Variants in MUC6 observed in about 807,000 individuals in gnomAD.
MUC6 encodes the protein mucin-6.
In MUC6, 188 loss-of-function variants were observed where a neutral mutation model predicts 201.5. That is an observed-to-expected ratio of 0.93 (90% CI 0.83 to 1.05). The LOEUF (loss-of-function observed/expected upper bound fraction) is 1.05, where lower values mean the gene tolerates loss of function less well. Among genes scored for constraint, MUC6 ranks in the 50% least tolerant of loss-of-function variants. The probability of loss-of-function intolerance (pLI) is 0.00; values close to 1 mark genes in which losing one functional copy is unlikely to be tolerated. For synonymous variants in MUC6, 1,228 were observed against 1,389.4 expected, an observed-to-expected ratio of 0.88 and a Z score of 2.58; for missense variants, 2,706 against 3,256.9, an observed-to-expected ratio of 0.83 and a Z score of 4.12.
At chr11:1,030,366 T>TTCCCCCC in intron 7 of MUC6, 31 bp from the exon 8 acceptor site, 1 of 1,489,594 alleles carries the variant, frequency 6.7e-7, no homozygotes, top group Non-Finnish European at 9.1e-7. Flanking sequence ...GGTGAGAGGG[T>TTCCCCCC]CCCACCCCCC....
rs1264436949 is a variant in MUC6 at position 1,026,491 on chromosome 11, AG to A, written c.2395-14del. 6.4e-7 allele frequency: 1 copy of A among 1,570,118 alleles called. No individual in the cohort carries two copies. Among genetic ancestry groups the A allele is most frequent in the Non-Finnish European group, 8.6e-7 (1 of 1,159,282 alleles). The stretch of plus-strand genomic sequence containing the variant: ...ACTTGGTGGGCACCTGGAGGGAGGC[AG>A]GTCAGCAGCTCCTGGGAGGGTGGCC... On this transcript the variant is annotated splice_polypyrimidine_tract_variant and intron_variant, in intron 19 of 32. Coordinates refer to ENST00000421673, the MANE Select transcript of MUC6 (RefSeq NM_005961.3).
At chr11:1,030,855 C>A in intron 6 of MUC6, 75 bp from the exon 7 acceptor site, 1 of 1,527,500 alleles carries the variant, frequency 6.5e-7, no homozygotes, top group Non-Finnish European at 8.8e-7. Flanking sequence ...TCGGGCAGGG[C>A]GTCTGTGATG....
intron 26 of MUC6, among the ~76,000 whole-genome samples, chr11:1,022,179 C>A (rs970011980): frequency 1.3e-5 from 2 of 150,496 alleles, no homozygotes; most frequent in African/African-American, 2.4e-5. Flanking sequence ...CTGCCCTCTA[C>A]AGCCCCGCGC....
At chr11:1,027,587 C>G in intron 16 of MUC6, 70 bp from the exon 17 acceptor site, 2 of 1,595,336 alleles carry the variant, frequency 1.3e-6, no homozygotes, top group Non-Finnish European at 1.7e-6. Context: ...GTTCCCCTGC[C>G]TGCCGGGCAC....
chr11:1,018,891 C>T (rs1290002061), intron 30 of MUC6, 121 bp from the exon 31 acceptor site: 3 of 1,308,082 alleles, frequency 2.3e-6, no homozygotes, highest in Non-Finnish European at 3.1e-6. Context: ...GTTCCTGTGA[C>T]ATGGCCCCTG....
At position 1,021,197 on chromosome 11, in the gene MUC6, G is replaced by C. The variant is rs1217669922; in HGVS notation, c.3589+18C>G. 3.2e-6 allele frequency: 5 copies of C among 1,559,818 alleles called. No homozygotes were observed. Among genetic ancestry groups the C allele is most frequent in the Admixed American group, 2.0e-5 (1 of 48,788 alleles). On this transcript the variant is annotated intron_variant, in intron 27 of 32. Coordinates refer to ENST00000421673, the MANE Select transcript of MUC6 (RefSeq NM_005961.3). Reference sequence around the variant, plus strand: ...TGCAGGCAGGGGCAGGGTTCTCAGGGCAGCCGACTGGACTTACTGCAGGGC... The same window carrying C: ...TGCAGGCAGGGGCAGGGTTCTCAGGCCAGCCGACTGGACTTACTGCAGGGC...
intron 27 of MUC6, 88 bp downstream of exon 27, chr11:1,021,127 G>A: frequency 7.7e-7 from 1 of 1,292,634 alleles, no homozygotes; most frequent in East Asian, 2.7e-5. Flanking sequence ...GCCCCCGAGG[G>A]CTCTCTCCCT....
Position 1,026,479 on chromosome 11 carries a change from C to T in MUC6, c.2395-1G>A, listed in dbSNP as rs997035766. The T allele has an allele frequency of 1.3e-6, 2 of 1,583,074 alleles. No homozygotes were observed. Among genetic ancestry groups the T allele is most frequent in the African/African-American group, 1.4e-5 (1 of 73,924 alleles). ...AGCCAGGCTCACACTTGGTGGGCAC[C>T]TGGAGGGAGGCAGGTCAGCAGCTCC... On this transcript the variant is annotated splice_acceptor_variant, in intron 19 of 32. Transcript: ENST00000421673. LOFTEE classifies it high-confidence loss of function.
intron 26 of MUC6, among the ~76,000 whole-genome samples, chr11:1,022,111 A>G (rs1670238080): frequency 9.9e-6 from 1 of 101,430 alleles, no homozygotes; most frequent in Non-Finnish European, 1.9e-5. Context: ...TGCCCTCTGC[A>G]GCCCCGCGCC....
Position 1,016,104 on chromosome 11 carries a change from C to T in MUC6, c.6697G>A (p.Val2233Met), listed in dbSNP as rs373036328. 4.1e-5 allele frequency: 66 copies of T among 1,612,420 alleles called. No individual in the cohort carries two copies. The highest frequency in any genetic ancestry group is 4.0e-4 in the African/African-American group (30 of 74,528). The change falls in exon 31 of 33, where the codon GTG becomes ATG. Residue 2233 changes from valine to methionine, a missense_variant. Physicochemically the swap from Val to Met is conservative, Grantham distance 21. Coordinates refer to ENST00000421673, the MANE Select transcript of MUC6 (RefSeq NM_005961.3). ...SALLPISTVTVSPTPSSHLAS... is the reference protein window; with the variant it reads ...SALLPISTVTMSPTPSSHLAS... ...AGGTGGCTGGATGGGGTGGGAGACA[C>T]GGTAACAGTGGATATGGGGAGTAGA...
At chr11:1,019,996 C>T (rs1450567515) in intron 29 of MUC6, 94 bp downstream of exon 29, 3 of 1,444,552 alleles carry the variant, frequency 2.1e-6, no homozygotes, top group Non-Finnish European at 2.9e-6. Context: ...CAGATGTGAG[C>T]CAGGAAGCAG....
At position 1,031,090 on chromosome 11, in the gene MUC6, G is replaced by C. The variant is rs774672963; in HGVS notation, c.575-34C>G. The C allele has an allele frequency of 6.7e-5, 103 of 1,544,842 alleles. No homozygotes were observed. The African/African-American group carries it at 1.3e-3, about 20-fold the overall frequency. ...CAGAATGGGGGTCAGCACCGTGGGGGCTGGGCCTCAGAGGCCCCCCTGCCC... is the reference window on the plus strand; with the variant it reads ...CAGAATGGGGGTCAGCACCGTGGGGCCTGGGCCTCAGAGGCCCCCCTGCCC... On this transcript the variant is annotated intron_variant, in intron 5 of 32. Transcript: ENST00000421673.
chr11:1,034,658 C>G (rs777897731), intron 1 of MUC6, among the ~76,000 whole-genome samples: 1 of 152,198 alleles, frequency 6.6e-6, no homozygotes, highest in African/African-American at 2.4e-5. Context: ...GAGCTGTGAC[C>G]GGTCTCCCCT....
rs760244832 is a variant in MUC6, at chr11:1,027,136, C to T, written c.2284+5G>A. The T allele has an allele frequency of 1.4e-5, 23 of 1,612,366 alleles. No homozygotes were observed. The highest frequency in any genetic ancestry group is 1.6e-4 in the Middle Eastern group (1 of 6,080). ...CCAGCCTGCGGCCAGCGCTGCTGTA[C>T]GTACCCAGGAACATCTGTGGCCGCT... On this transcript the variant is annotated splice_donor_5th_base_variant and intron_variant, in intron 18 of 32. Transcript: ENST00000421673.
intron 26 of MUC6, among the ~76,000 whole-genome samples, chr11:1,021,661 A>G (rs1349379671): frequency 1.3e-5 from 2 of 151,108 alleles, no homozygotes; most frequent in Non-Finnish European, 3.0e-5. Context: ...TCACCCGCGC[A>G]CCTTGCTCTA....
intron 2 of MUC6, among the ~76,000 whole-genome samples, chr11:1,032,726 G>A (rs1857137168): frequency 6.6e-6 from 1 of 150,714 alleles, no homozygotes; most frequent in African/African-American, 2.4e-5. Flanking sequence ...TGTGTTGGGT[G>A]TGTGTGCATG....
chr11:1,016,500 T>C lies in MUC6; in HGVS notation c.6301A>G (p.Arg2101Gly), dbSNP rs959797436. ...SSWLPQNSSS[R>G]PPSSPITTQL... ...GTGGTGATAGGTGATGACGGTGGCC[T>C]TGAGCTAGAGTTCTGAGGCAGCCAA... Residue 2101 changes from arginine to glycine, a missense_variant, in exon 31 of 33, where the codon AGG becomes GGG. Arg to Gly is a moderately radical substitution (Grantham distance 125, BLOSUM62 -2). Transcript: ENST00000421673. The C allele has an allele frequency of 1.2e-6, 2 of 1,602,798 alleles. No individual in the cohort carries two copies. The highest frequency in any genetic ancestry group is 3.4e-5 in the Admixed American group (2 of 58,558).
intron 25 of MUC6, 112 bp downstream of exon 25, chr11:1,023,835 C>T (rs2133825655): frequency 2.0e-6 from 3 of 1,473,312 alleles, no homozygotes; most frequent in Non-Finnish European, 2.7e-6. Flanking sequence ...CAGGGCACAG[C>T]CCGGCGCCTG....
At position 1,013,943 on chromosome 11, in the gene MUC6, G is replaced by A. The variant is rs777355846; in HGVS notation, c.7098C>T (p.Asn2366=). ...CGCCCTCACAGCGGGTTACCGTCAC[G>A]TTCGCCATGCACCCCTTGAACGTGA... The part of the protein sequence containing the change: ...EEITFKGCMA[N]VTVTRCEGAC... Residue 2366 remains asparagine (N), a synonymous_variant, in exon 32 of 33, where the codon AAC becomes AAT. Transcript: ENST00000421673. The A allele has an allele frequency of 1.4e-5, 23 of 1,608,962 alleles. No homozygotes were observed. The highest frequency in any genetic ancestry group is 4.4e-5 in the South Asian group (4 of 90,188).
Sources: allele counts gnomAD v4.1 joint callset (sites outside exome capture counted in the v4.1 genomes callset), GRCh38; gene constraint gnomAD v4.1.1; transcripts MANE v1.5; gene names NCBI Gene and HGNC (gene_info 2026-07-23, HGNC 2026-07-21).